Variants in TMPRSS4 observed in about 807,000 individuals in gnomAD.
TMPRSS4 encodes the protein transmembrane serine protease 4.
In TMPRSS4, 45 loss-of-function variants were observed where a neutral mutation model predicts 56.4. The ratio of observed to expected loss-of-function variants is 0.80; its 90% CI spans 0.63 to 1.02. TMPRSS4 has a LOEUF of 1.02. Ranked by LOEUF, TMPRSS4 falls within the 50% of genes least tolerant of loss-of-function variation. The pLI, the probability that TMPRSS4 is intolerant of heterozygous loss-of-function variation, is 0.00. For missense variants in TMPRSS4, 546 were observed against 556.7 expected (o/e 0.98, Z 0.19); for synonymous variants, 205 against 211.0 (o/e 0.97, Z 0.25).
At chr11:118,117,550 A>C (rs1423371514) in intron 12 of TMPRSS4, 96 bp downstream of exon 12, 8 of 1,515,336 alleles carry the variant, frequency 5.3e-6, no homozygotes, top group Middle Eastern at 3.6e-4. Flanking sequence ...TGGTTCTGAC[A>C]ACTCTTTACA....
intron 9 of TMPRSS4, 97 bp from the exon 10 acceptor site, chr11:118,114,732 C>T: frequency 7.6e-7 from 1 of 1,309,758 alleles, no homozygotes; most frequent in Non-Finnish European, 1.1e-6. Context: ...CTCTCCCAGA[C>T]CAGCAAGATC....
chr11:118,077,692 G>A lies in TMPRSS4; in HGVS notation c.3+387G>A, dbSNP rs550341695. On this transcript the variant is annotated intron_variant, in intron 1 of 12. Coordinates refer to ENST00000437212, the MANE Select transcript of TMPRSS4 (RefSeq NM_019894.4). ...CCACGGTTGCCCTCTGCCACTCCCT[G>A]GGGAAACTGATTCCTTTTCTTTTTA... 1.2e-4 allele frequency among the ~76,000 whole-genome samples: 18 copies of A among 152,134 alleles called. 1 individual carries two copies. Among genetic ancestry groups the A allele is most frequent in the Admixed American group, 2.0e-4 (3 of 15,272 alleles).
chr11:118,104,044 G>A (rs2155857), intron 4 of TMPRSS4, among the ~76,000 whole-genome samples: 18,543 of 150,828 alleles, frequency 0.12, 1,759 homozygotes, highest in East Asian at 0.35. Context: ...TAAAATCCAC[G>A]TTCTCTCTTG....
At chr11:118,108,792 C>G in intron 6 of TMPRSS4, 64 bp from the exon 7 acceptor site, 1 of 1,570,690 alleles carries the variant, frequency 6.4e-7, no homozygotes. Flanking sequence ...TTCGGGAGGC[C>G]TGAGTCCCTG....
intron 1 of TMPRSS4, among the ~76,000 whole-genome samples, chr11:118,086,006 G>A (rs371837783): frequency 6.6e-6 from 1 of 152,216 alleles, no homozygotes; most frequent in African/African-American, 2.4e-5. Flanking sequence ...GCAGTAAACA[G>A]CAGCATCACC....
intron 1 of TMPRSS4, among the ~76,000 whole-genome samples, chr11:118,089,219 G>A (rs548517750): frequency 1.4e-4 from 21 of 152,198 alleles, no homozygotes; most frequent in Non-Finnish European, 2.6e-4. Context: ...TCTTCCAAAG[G>A]TGTATCTGTC....
rs753268719 is a variant in TMPRSS4 at position 118,117,461 on chromosome 11, T to C, written c.1302+7T>C. ...GATCTACAATGTCTGGAAGGTAAGG[T>C]ACCTTTGCCCTACCCACTGTGCCTT... On this transcript the variant is annotated splice_region_variant and intron_variant, in intron 12 of 12. Coordinates refer to ENST00000437212, the MANE Select transcript of TMPRSS4 (RefSeq NM_019894.4). 5 of 1,610,000 alleles carry C rather than the reference T, an allele frequency of 3.1e-6. No homozygotes were observed. The highest frequency in any genetic ancestry group is 4.2e-6 in the Non-Finnish European group (5 of 1,177,398).
rs71469160 is a variant in TMPRSS4, at chr11:118,112,379, C to CTTTTTTT, written c.743+504_743+510dup. On this transcript the variant is annotated intron_variant, in intron 8 of 12. Transcript: ENST00000437212. ...AAGGGCTACTCCCAGACCCCCTTCA[C>CTTTTTTT]TTTTTTTTTTTTTTTTTTTTTTTTT... 3.0e-3 allele frequency among the ~76,000 whole-genome samples: 135 copies of CTTTTTTT among 45,724 alleles called. 20 individuals are homozygous for CTTTTTTT. The highest frequency in any genetic ancestry group is 0.025 in the East Asian group (35 of 1,388). 30.0% of individuals were successfully genotyped at this position (45,724 alleles called of 152,430 possible). A position where few individuals can be genotyped will look rare whatever the true frequency, so the allele number is the denominator to read the frequency against.
intron 1 of TMPRSS4, among the ~76,000 whole-genome samples, chr11:118,090,402 T>G (rs924632804): frequency 6.6e-6 from 1 of 152,182 alleles, no homozygotes; most frequent in Non-Finnish European, 1.5e-5. Context: ...TTTGCTTTAG[T>G]TTATTTTTTC....
At chr11:118,084,655 A>T (rs1372984931) in intron 1 of TMPRSS4, among the ~76,000 whole-genome samples, 1 of 152,162 alleles carries the variant, frequency 6.6e-6, no homozygotes, top group Non-Finnish European at 1.5e-5. Flanking sequence ...TCTGCTCTCC[A>T]TGCCTGTAGG....
chr11:118,090,088 C>T lies in TMPRSS4; in HGVS notation c.4-4728C>T, dbSNP rs910345657. ...TCGAACTCCTGACGTCAGATCCACC[C>T]GCCTCAGCCTCCCAAAGTGCTGGGA... On this transcript the variant is annotated intron_variant, in intron 1 of 12. Transcript: ENST00000437212. Among the ~76,000 whole-genome samples the T allele has an allele frequency of 7.2e-5, 11 of 152,102 alleles. No individual in the cohort carries two copies. In the South Asian group the frequency reaches 8.3e-4, roughly 11 times the overall value.
intron 5 of TMPRSS4, chr11:118,105,790 C>T (rs1016926438): frequency 1.3e-5 from 2 of 152,190 alleles, no homozygotes; most frequent in African/African-American, 4.8e-5. Context: ...AACAAACAAA[C>T]AAAAACTCTA....
chr11:118,114,952 G>A (rs1352530919), intron 10 of TMPRSS4, 25 bp downstream of exon 10: 1 of 1,580,338 alleles, frequency 6.3e-7, no homozygotes, highest in Non-Finnish European at 8.6e-7. Flanking sequence ...CAGGACCACA[G>A]GGCAGGAGAT....
chr11:118,102,066 G>T (rs577783267), intron 3 of TMPRSS4, among the ~76,000 whole-genome samples: 2 of 151,964 alleles, frequency 1.3e-5, no homozygotes, highest in Non-Finnish European at 2.9e-5. Flanking sequence ...GTAGGTAAGC[G>T]TGTGCCATGG....
Position 118,119,959 on chromosome 11 carries a change from C to A in TMPRSS4, c.*2046C>A, listed in dbSNP as rs966192870. On this transcript the variant is annotated 3_prime_UTR_variant, in exon 13 of 13. Transcript: ENST00000437212. ...ACTATTGTGCAGTCATCACCACCATCCATCTCCAGAACAGAAACTCAGTAC... is the reference window on the plus strand; with the variant it reads ...ACTATTGTGCAGTCATCACCACCATACATCTCCAGAACAGAAACTCAGTAC... 6.6e-6 allele frequency: 1 copy of A among 152,224 alleles called. No homozygotes were observed. Among genetic ancestry groups the A allele is most frequent in the Non-Finnish European group, 1.5e-5 (1 of 68,042 alleles). The allele number at this position is 152,224 out of a possible 1,614,324, so 9.4% of individuals were successfully genotyped here. A position where few individuals can be genotyped will look rare whatever the true frequency, so the allele number is the denominator to read the frequency against.
At chr11:118,085,736 T>A (rs780024157) in intron 1 of TMPRSS4, among the ~76,000 whole-genome samples, 1 of 152,194 alleles carries the variant, frequency 6.6e-6, no homozygotes, top group Non-Finnish European at 1.5e-5. Context: ...AAGGCTGAAC[T>A]GTGTGGCGGG....
intron 11 of TMPRSS4, among the ~76,000 whole-genome samples, chr11:118,117,017 C>G (rs1947595239): frequency 6.6e-6 from 1 of 152,088 alleles, no homozygotes; most frequent in South Asian, 2.1e-4. Flanking sequence ...GGCCAACAAC[C>G]AGGCTTTTTT....
intron 8 of TMPRSS4, among the ~76,000 whole-genome samples, chr11:118,112,314 T>C (rs1431995630): frequency 3.3e-5 from 5 of 150,832 alleles, no homozygotes; most frequent in Admixed American, 1.3e-4. Flanking sequence ...AGAGCATAGG[T>C]TCCTTTCAGT....
intron 6 of TMPRSS4, 62 bp from the exon 7 acceptor site, chr11:118,108,794 G>C (rs569446431): frequency 1.0e-4 from 166 of 1,590,194 alleles, no homozygotes; most frequent in Admixed American, 3.9e-4. Flanking sequence ...CGGGAGGCCT[G>C]AGTCCCTGCC....
Sources: allele counts gnomAD v4.1 joint callset (sites outside exome capture counted in the v4.1 genomes callset), GRCh38; gene constraint gnomAD v4.1.1; transcripts MANE v1.5; gene names NCBI Gene and HGNC (gene_info 2026-07-23, HGNC 2026-07-21).